PPP3CC: variants seen among roughly 807,000 people sequenced by gnomAD.
The protein encoded by PPP3CC is protein phosphatase 3 catalytic subunit gamma, also known as serine/threonine-protein phosphatase 2B catalytic subunit gamma isoform.
Under a neutral mutation model 60.3 loss-of-function variants are expected in PPP3CC, and 35 were observed. That is an observed-to-expected ratio of 0.58 (90% confidence interval 0.44 to 0.77). The LOEUF is 0.77. PPP3CC is among the 30% of genes least tolerant of loss of function. PPP3CC has a pLI of 0.00. For missense variants in PPP3CC, 570 were observed against 628.9 expected (o/e 0.91, Z 1.00); for synonymous variants, 206 against 224.3 (o/e 0.92, Z 0.73).
At chr8:22,487,010 A>G (rs547861333) in intron 3 of PPP3CC, among the ~76,000 whole-genome samples, 237 of 152,224 alleles carry the variant, frequency 1.6e-3, no homozygotes, top group African/African-American at 5.3e-3. Flanking sequence ...GATTACAGGC[A>G]TGAGCCACCG....
chr8:22,496,090 G>T (rs2469746), intron 3 of PPP3CC, among the ~76,000 whole-genome samples: 15 of 150,144 alleles, frequency 1.0e-4, no homozygotes, highest in African/African-American at 1.7e-4. Context: ...CTAACTTTAT[G>T]TTTTTTTTTT....
intron 1 of PPP3CC, among the ~76,000 whole-genome samples, chr8:22,449,398 T>C (rs986924881): frequency 2.4e-5 from 3 of 122,482 alleles, no homozygotes; most frequent in Admixed American, 1.2e-4. Context: ...CAGGTTGCAG[T>C]GGGCCAAGAT....
At chr8:22,455,182 G>A (rs914025069) in intron 1 of PPP3CC, among the ~76,000 whole-genome samples, 2 of 151,938 alleles carry the variant, frequency 1.3e-5, no homozygotes, top group African/African-American at 4.8e-5. Context: ...AATATTTGAT[G>A]AGTTCCTATT....
chr8:22,479,699 G>A (rs542927731), intron 3 of PPP3CC, among the ~76,000 whole-genome samples: 101 of 143,726 alleles, frequency 7.0e-4, no homozygotes, highest in African/African-American at 2.3e-3. Flanking sequence ...AGCCCAGATC[G>A]CCCCACTGCA....
At chr8:22,507,053 A>G (rs1838947045) in intron 4 of PPP3CC, among the ~76,000 whole-genome samples, 1 of 152,186 alleles carries the variant, frequency 6.6e-6, no homozygotes, top group African/African-American at 2.4e-5. Flanking sequence ...CAGGAGTTCT[A>G]GGTTGCAGTA....
At chr8:22,528,726 A>G (rs1411297491) in intron 10 of PPP3CC, 149 bp downstream of exon 10, 4 of 599,922 alleles carry the variant, frequency 6.7e-6, no homozygotes, top group South Asian at 3.9e-5. Context: ...ACGAGAAACC[A>G]TAAATAAGGA....
intron 4 of PPP3CC, among the ~76,000 whole-genome samples, chr8:22,507,653 C>T (rs1838962615): frequency 6.6e-6 from 1 of 152,190 alleles, no homozygotes; most frequent in Non-Finnish European, 1.5e-5. Flanking sequence ...CATCAGTTAA[C>T]ACAGTATGTA....
chr8:22,502,492 A>G (rs889721570), intron 4 of PPP3CC, among the ~76,000 whole-genome samples: 1 of 152,146 alleles, frequency 6.6e-6, no homozygotes, highest in African/African-American at 2.4e-5. Flanking sequence ...CGAGACTAAC[A>G]TGGGCAACAC....
chr8:22,518,346 A>G (rs1035482485), intron 6 of PPP3CC, among the ~76,000 whole-genome samples: 1 of 152,104 alleles, frequency 6.6e-6, no homozygotes, highest in Non-Finnish European at 1.5e-5. Context: ...CTTTGACACA[A>G]TAGTTGTTCA....
chr8:22,531,231 G>A, intron 10 of PPP3CC: 1 of 1,392,416 alleles, frequency 7.2e-7, no homozygotes, highest in Non-Finnish European at 9.8e-7. Flanking sequence ...TCTTTTCCAT[G>A]TAAACATAAA....
chr8:22,476,647 T>C (rs1837895811), intron 3 of PPP3CC, among the ~76,000 whole-genome samples: 1 of 152,202 alleles, frequency 6.6e-6, no homozygotes, highest in Non-Finnish European at 1.5e-5. Context: ...AAAAGTTCAA[T>C]GTTGGCCAGG....
In PPP3CC at chr8:22,513,290, T is replaced by C; in HGVS notation, c.631-3T>C. 1 of 1,608,210 alleles carries C rather than the reference T, an allele frequency of 6.2e-7. No individual in the cohort carries two copies. Among genetic ancestry groups the C allele is most frequent in the Non-Finnish European group, 8.5e-7 (1 of 1,178,330 alleles). ...TTTCTTTTGGCTTTTGTGTGTCTTCTAGTTAGACAGGTTTACGGAACCTCC... is the reference window on the plus strand; with the variant it reads ...TTTCTTTTGGCTTTTGTGTGTCTTCCAGTTAGACAGGTTTACGGAACCTCC... On this transcript the variant is annotated splice_polypyrimidine_tract_variant and splice_region_variant and intron_variant, in intron 5 of 13. Coordinates refer to ENST00000240139, the MANE Select transcript of PPP3CC (RefSeq NM_005605.5).
chr8:22,537,345 A>G (rs1283127437), intron 12 of PPP3CC, among the ~76,000 whole-genome samples: 1 of 152,230 alleles, frequency 6.6e-6, no homozygotes, highest in Non-Finnish European at 1.5e-5. Flanking sequence ...GCTAATCAAA[A>G]CCACAATGGG....
rs1398043401 is a variant in PPP3CC, at chr8:22,472,148, T to G, written c.50-2806T>G. Among the ~76,000 whole-genome samples, 3 of 152,142 alleles carry G rather than the reference T, an allele frequency of 2.0e-5. No homozygotes were observed. In the East Asian group the frequency reaches 5.8e-4, roughly 29 times the overall value. ...TATCTCAAAAACAAATTTTTTTTCT[T>G]TAATAATATATTAAACTTAGCTTAC... On this transcript the variant is annotated intron_variant, in intron 1 of 13. Coordinates refer to ENST00000240139, the MANE Select transcript of PPP3CC (RefSeq NM_005605.5).
intron 3 of PPP3CC, among the ~76,000 whole-genome samples, chr8:22,482,759 T>A (rs1452728244): frequency 2.6e-5 from 4 of 152,220 alleles, no homozygotes; most frequent in Non-Finnish European, 4.4e-5. Context: ...AAAAGAGTAC[T>A]TGAATTAATC....
intron 10 of PPP3CC, chr8:22,531,190 T>G (rs1490166033): frequency 1.0e-6 from 1 of 995,402 alleles, no homozygotes; most frequent in Admixed American, 2.0e-5. Flanking sequence ...AGCCTGTTTC[T>G]CTCATTGCAT....
intron 3 of PPP3CC, among the ~76,000 whole-genome samples, chr8:22,489,678 A>G (rs1249161931): frequency 7.2e-6 from 1 of 138,588 alleles, no homozygotes; most frequent in African/African-American, 2.7e-5. Flanking sequence ...ATAAGTATAT[A>G]TTATATATAA....
At chr8:22,456,502 T>C (rs1053847211) in intron 1 of PPP3CC, among the ~76,000 whole-genome samples, 34 of 152,214 alleles carry the variant, frequency 2.2e-4, no homozygotes, top group African/African-American at 8.2e-4. Flanking sequence ...CTAACTCCCT[T>C]CCCTCTCTTT....
intron 1 of PPP3CC, among the ~76,000 whole-genome samples, chr8:22,456,866 T>G (rs1837209574): frequency 2.6e-5 from 4 of 152,176 alleles, no homozygotes. Flanking sequence ...TTAAATAATT[T>G]TTAATGAAAT....
Sources: gnomAD v4.1 joint callset for allele counts (sites outside exome capture counted in the v4.1 genomes callset) on GRCh38, gnomAD v4.1.1 for gene constraint, MANE v1.5 for transcripts, NCBI Gene and HGNC (gene_info 2026-07-23, HGNC 2026-07-21) for gene names.